LIN7A: variants seen among roughly 807,000 people sequenced by gnomAD.
LIN7A encodes lin-7 cell polarity scaffold A.
Under a neutral mutation model 29.8 loss-of-function variants are expected in LIN7A, and 25 were observed. The ratio of observed to expected loss-of-function variants is 0.84; its 90% CI spans 0.61 to 1.17. LIN7A has a LOEUF of 1.17. Among genes scored for constraint, LIN7A ranks in the 50% most tolerant of loss-of-function variants. The pLI, the probability that LIN7A is intolerant of heterozygous loss-of-function variation, is 0.00. For missense variants in LIN7A, 239 were observed against 287.0 expected, an observed-to-expected ratio of 0.83 and a Z score of 1.21; for synonymous variants, 118 against 107.5, an observed-to-expected ratio of 1.10 and a Z score of -0.60.
At chr12:80,833,796 A>C (rs1872486138) in intron 4 of LIN7A, among the ~76,000 whole-genome samples, 1 of 152,160 alleles carries the variant, frequency 6.6e-6, no homozygotes, top group Non-Finnish European at 1.5e-5. Flanking sequence ...AATGCTTCTT[A>C]TTATATATAC....
chr12:80,814,698 G>T (rs757649078), intron 4 of LIN7A, among the ~76,000 whole-genome samples: 5 of 152,046 alleles, frequency 3.3e-5, no homozygotes, highest in Admixed American at 1.3e-4. Flanking sequence ...AACCATCAAG[G>T]TTATCCTCTT....
rs1448553473 is a variant in LIN7A at position 80,907,053 on chromosome 12, CTCTGTGTGTG to C, written c.83-17694_83-17685del. ...AATAGAACATACCTCAGAGTGCGTG[CTCTGTGTGTG>C]TGTGTGTGTGTGTGTGTGTGTGTGT... On this transcript the variant is annotated intron_variant, in intron 1 of 5. Coordinates refer to ENST00000552864, the MANE Select transcript of LIN7A (RefSeq NM_004664.4). 1.6e-3 allele frequency among the ~76,000 whole-genome samples: 210 copies of C among 133,006 alleles called. 1 individual carries two copies. Among genetic ancestry groups the C allele is most frequent in the African/African-American group, 5.6e-3 (181 of 32,276 alleles). 87.3% of individuals were successfully genotyped at this position (133,006 alleles called of 152,430 possible).
chr12:80,883,433 G>T (rs1389012517), intron 2 of LIN7A, among the ~76,000 whole-genome samples: 1 of 152,134 alleles, frequency 6.6e-6, no homozygotes, highest in African/African-American at 2.4e-5. Flanking sequence ...TGAAATTAGG[G>T]TGCAATAGCT....
chr12:80,832,801 G>T (rs1404198345), intron 4 of LIN7A, among the ~76,000 whole-genome samples: 2 of 152,092 alleles, frequency 1.3e-5, no homozygotes, highest in African/African-American at 4.8e-5. Context: ...ATATGGTTTG[G>T]AACTGTTTTC....
At chr12:80,815,203 C>G (rs1252409724) in intron 4 of LIN7A, among the ~76,000 whole-genome samples, 1 of 152,074 alleles carries the variant, frequency 6.6e-6, no homozygotes, top group African/African-American at 2.4e-5. Flanking sequence ...TTATTTATCT[C>G]TGGAGTGCTT....
chr12:80,853,586 T>C, intron 2 of LIN7A, among the ~76,000 whole-genome samples: 1 of 152,078 alleles, frequency 6.6e-6, no homozygotes, highest in South Asian at 2.1e-4. Context: ...TTGGGAAAAT[T>C]CAAATTGAAA....
intron 2 of LIN7A, among the ~76,000 whole-genome samples, chr12:80,878,471 G>A (rs117765143): frequency 0.054 from 8,218 of 152,164 alleles, 251 homozygotes; most frequent in Admixed American, 0.096. Flanking sequence ...TTGTGGTCTC[G>A]CTGACTTCAA....
intron 2 of LIN7A, among the ~76,000 whole-genome samples, chr12:80,882,669 A>T (rs1592922316): frequency 1.3e-5 from 2 of 152,208 alleles, no homozygotes; most frequent in Admixed American, 6.5e-5. Context: ...ATAGTCAATG[A>T]CAATGGTGAT....
chr12:80,879,821 T>G (rs1411493333), intron 2 of LIN7A, among the ~76,000 whole-genome samples: 1 of 152,174 alleles, frequency 6.6e-6, no homozygotes, highest in African/African-American at 2.4e-5. Context: ...AGAATTAAAT[T>G]CCCTATCAGT....
In LIN7A at chr12:80,792,764, G is replaced by T. The variant is rs1453364077; in HGVS notation, c.*4963C>A. On this transcript the variant is annotated 3_prime_UTR_variant, in exon 6 of 6. Coordinates refer to ENST00000552864, the MANE Select transcript of LIN7A (RefSeq NM_004664.4). Reference sequence around the variant, plus strand: ...TACATCAGGGATTTTGTTTCTTTCAGTTTTTGTAGCACCAAATAGACACAG... The same window carrying T: ...TACATCAGGGATTTTGTTTCTTTCATTTTTTGTAGCACCAAATAGACACAG... The T allele has an allele frequency of 6.6e-6, 1 of 152,086 alleles. No homozygotes were observed. The highest frequency in any genetic ancestry group is 1.9e-4 in the East Asian group (1 of 5,190). The allele number at this position is 152,086 out of a possible 1,614,324, so 9.4% of individuals were successfully genotyped here.
At position 80,793,013 on chromosome 12, in the gene LIN7A, T is replaced by C. The variant is rs1402453426; in HGVS notation, c.*4714A>G. 6.6e-6 allele frequency: 1 copy of C among 152,218 alleles called. No individual in the cohort carries two copies. Among genetic ancestry groups the C allele is most frequent in the Non-Finnish European group, 1.5e-5 (1 of 68,026 alleles). 9.4% of individuals were successfully genotyped at this position (152,218 alleles called of 1,614,324 possible). ...TGTATATTACTTTACAATTTCCAAG[T>C]ATTTTATATACAGTGACTCACTTAG... On this transcript the variant is annotated 3_prime_UTR_variant, in exon 6 of 6. Coordinates refer to ENST00000552864, the MANE Select transcript of LIN7A (RefSeq NM_004664.4).
chr12:80,793,987 T>C lies in LIN7A; in HGVS notation c.*3740A>G, dbSNP rs115435871. ...TCCCCAAACATTGTTCCTTATCCACTGTTCAAATGTCCTCAAATCTTTGAA... is the reference window on the plus strand; with the variant it reads ...TCCCCAAACATTGTTCCTTATCCACCGTTCAAATGTCCTCAAATCTTTGAA... On this transcript the variant is annotated 3_prime_UTR_variant, in exon 6 of 6. Coordinates refer to ENST00000552864, the MANE Select transcript of LIN7A (RefSeq NM_004664.4). 2.1e-3 allele frequency: 313 copies of C among 152,316 alleles called. 1 individual carries two copies. The highest frequency in any genetic ancestry group is 7.0e-3 in the African/African-American group (291 of 41,586). 9.4% of individuals were successfully genotyped at this position (152,316 alleles called of 1,614,324 possible).
At chr12:80,917,968 A>G (rs1877109093) in intron 1 of LIN7A, among the ~76,000 whole-genome samples, 1 of 152,206 alleles carries the variant, frequency 6.6e-6, no homozygotes, top group Non-Finnish European at 1.5e-5. Context: ...TTTGAGTGCT[A>G]TCTTTCGTTT....
intron 1 of LIN7A, among the ~76,000 whole-genome samples, chr12:80,891,567 A>G (rs544318326): frequency 6.6e-6 from 1 of 152,134 alleles, no homozygotes; most frequent in Non-Finnish European, 1.5e-5. Flanking sequence ...TGCACAGGAG[A>G]CAGTGGTGAA....
intron 1 of LIN7A, among the ~76,000 whole-genome samples, chr12:80,915,412 T>C (rs571143240): frequency 4.6e-5 from 7 of 152,324 alleles, no homozygotes; most frequent in African/African-American, 1.7e-4. Context: ...GGAACATTTA[T>C]ACACTGTTGG....
intron 4 of LIN7A, among the ~76,000 whole-genome samples, chr12:80,834,034 G>C (rs1169079336): frequency 1.3e-5 from 2 of 152,094 alleles, no homozygotes; most frequent in African/African-American, 4.8e-5. Flanking sequence ...ATAGCCTTTT[G>C]CAAAACCAAA....
At chr12:80,869,102 T>C (rs1874290987) in intron 2 of LIN7A, among the ~76,000 whole-genome samples, 1 of 151,426 alleles carries the variant, frequency 6.6e-6, no homozygotes, top group African/African-American at 2.4e-5. Flanking sequence ...AGAAAGGGCA[T>C]TGGCATGTAG....
At chr12:80,933,942 T>A (rs1878063017) in intron 1 of LIN7A, among the ~76,000 whole-genome samples, 1 of 152,180 alleles carries the variant, frequency 6.6e-6, no homozygotes, top group Non-Finnish European at 1.5e-5. Context: ...CATTAGATTT[T>A]ATTTATTTTG....
chr12:80,819,729 G>A (rs1871703961), intron 4 of LIN7A, among the ~76,000 whole-genome samples: 1 of 111,706 alleles, frequency 9.0e-6, no homozygotes. Context: ...GCATCATAGT[G>A]TACTTAGTTT....
Sources: gnomAD v4.1 joint callset for allele counts (sites outside exome capture counted in the v4.1 genomes callset) on GRCh38, gnomAD v4.1.1 for gene constraint, MANE v1.5 for transcripts, NCBI Gene and HGNC (gene_info 2026-07-23, HGNC 2026-07-21) for gene names.